Variants in EPHB6 observed in about 807,000 individuals in gnomAD.
EPHB6 encodes EPH receptor B6.
EPHB6 carries 51 observed loss-of-function variants against 107.0 expected under a neutral mutation model. The ratio of observed to expected loss-of-function variants is 0.48; its 90% CI spans 0.38 to 0.60. The LOEUF (loss-of-function observed/expected upper bound fraction) is 0.60, where lower values mean the gene tolerates loss of function less well. Ranked by LOEUF, EPHB6 falls within the 20% of genes least tolerant of loss-of-function variation. EPHB6 has a pLI of 0.00. For synonymous variants in EPHB6, 553 were observed against 549.0 expected (o/e 1.01, Z -0.10); for missense variants, 1,141 against 1,355.5 (o/e 0.84, Z 2.48).
At position 142,870,018 on chromosome 7, in the gene EPHB6, TG is replaced by T. The variant is rs745547995; in HGVS notation, c.2610+54del. 3.1e-6 allele frequency: 5 copies of T among 1,613,612 alleles called. No individual in the cohort carries two copies. In the East Asian group the frequency reaches 8.9e-5, roughly 29 times the overall value. On this transcript the variant is annotated intron_variant, in intron 17 of 19. Coordinates refer to ENST00000652003, the MANE Select transcript of EPHB6 (RefSeq NM_004445.6). Reference sequence around the variant, plus strand: ...TTTCCCACCCCGATCCCTCCCAGGTTGGAACATTCTAGGACCTCCATTCTCT... The same window carrying T: ...TTTCCCACCCCGATCCCTCCCAGGTTGAACATTCTAGGACCTCCATTCTCT...
At position 142,866,790 on chromosome 7, in the gene EPHB6, C is replaced by A; in HGVS notation, c.1588-116C>A. On this transcript the variant is annotated intron_variant, in intron 10 of 19. Coordinates refer to ENST00000652003, the MANE Select transcript of EPHB6 (RefSeq NM_004445.6). This position sits in a 1 kb window ranked among gnomAD's most constrained non-coding sequence, Gnocchi z 5.2. ...GCAAGGAGAGGTGCCCAGAAGTGTG[C>A]AGCACTGGGCATGTGTCTGAGAGCC... 6.3e-7 allele frequency: 1 copy of A among 1,585,160 alleles called. No individual in the cohort carries two copies. Among genetic ancestry groups the A allele is most frequent in the African/African-American group, 1.3e-5 (1 of 74,406 alleles).
chr7:142,864,000 G>T lies in EPHB6; in HGVS notation c.200G>T (p.Arg67Leu). The change falls in exon 7 of 20, where the codon CGC becomes CTC. Residue 67 changes from arginine to leucine, a missense_variant. By Grantham distance (102) the Arg-to-Leu change is moderately radical. Around this residue, in one of 3 missense-constraint regions of EPHB6, gnomAD observed 221 missense variants for 300.5 expected, o/e 0.74. Transcript: ENST00000652003. The part of the protein sequence containing the change: ...DEVSVLDDQR[R>L]LTRTFEACHV... ...GTGAGTGTTCTGGACGACCAGCGAC[G>T]CCTGACTCGGACCTTTGAGGCATGT... 6.2e-7 allele frequency: 1 copy of T among 1,614,182 alleles called. No individual in the cohort carries two copies. The highest frequency in any genetic ancestry group is 8.5e-7 in the Non-Finnish European group (1 of 1,180,036).
chr7:142,864,761 C>A lies in EPHB6; in HGVS notation c.949+12C>A, dbSNP rs538769229. Reference sequence around the variant, plus strand: ...CAAGGCCTGCCAAGGTGAGAGCCCACTCGTCTTGCACTTGCCCGACACCTC... The same window carrying A: ...CAAGGCCTGCCAAGGTGAGAGCCCAATCGTCTTGCACTTGCCCGACACCTC... On this transcript the variant is annotated intron_variant, in intron 7 of 19. Coordinates refer to ENST00000652003, the MANE Select transcript of EPHB6 (RefSeq NM_004445.6). The A allele has an allele frequency of 6.2e-7, 1 of 1,612,754 alleles. No homozygotes were observed.
chr7:142,865,898 C>A (rs1803134341), intron 8 of EPHB6, 62 bp from the exon 9 acceptor site: 3 of 1,550,682 alleles, frequency 1.9e-6, no homozygotes, highest in South Asian at 2.2e-5. Flanking sequence ...CTCCTTCCTT[C>A]CTCAATCACC....
chr7:142,870,122 T>C, intron 17 of EPHB6, 92 bp from the exon 18 acceptor site: 2 of 1,586,748 alleles, frequency 1.3e-6, no homozygotes, highest in Non-Finnish European at 1.7e-6. Context: ...AACCTCATGC[T>C]CCACCAGATT....
chr7:142,864,499 C>T lies in EPHB6; in HGVS notation c.699C>T (p.Cys233=). 6.2e-7 allele frequency: 1 copy of T among 1,613,440 alleles called. No homozygotes were observed. Among genetic ancestry groups the T allele is most frequent in the Non-Finnish European group, 8.5e-7 (1 of 1,180,024 alleles). The part of the protein sequence containing the change: ...LVAVRLFSYT[C]PAVLRSFASF... Reference sequence around the variant, plus strand: ...CTGTCAGGCTCTTCTCCTACACCTGCCCTGCCGTGCTCCGATCCTTTGCTT... The same window carrying T: ...CTGTCAGGCTCTTCTCCTACACCTGTCCTGCCGTGCTCCGATCCTTTGCTT... Residue 233 remains cysteine, a synonymous_variant, in exon 7 of 20, where the codon TGC becomes TGT. Coordinates refer to ENST00000652003, the MANE Select transcript of EPHB6 (RefSeq NM_004445.6).
At chr7:142,860,085 C>T (rs752265084) in intron 1 of EPHB6, among the ~76,000 whole-genome samples, 3 of 152,170 alleles carry the variant, frequency 2.0e-5, no homozygotes, top group East Asian at 1.9e-4. Flanking sequence ...CTATCTGCAG[C>T]GCATCTTTTC....
chr7:142,870,179 A>G (rs1794830448), intron 17 of EPHB6, 35 bp from the exon 18 acceptor site: 1 of 1,613,660 alleles, frequency 6.2e-7, no homozygotes, highest in African/African-American at 1.3e-5. Context: ...TACTAACAAA[A>G]CTTCCCATCG....
rs926833168 is a variant in EPHB6 at position 142,855,778 on chromosome 7, G to A, written c.-432+393G>A. On this transcript the variant is annotated intron_variant, in intron 1 of 19. Coordinates refer to ENST00000652003, the MANE Select transcript of EPHB6 (RefSeq NM_004445.6). The surrounding 1 kb of genome is among the most constrained non-coding windows in gnomAD (Gnocchi z 4.2). ...CCAGTGGCATCACTCCAATCCCCTT[G>A]GAGCTGGGAGGAGTCAGGAGGCTGA... 6.6e-6 allele frequency among the ~76,000 whole-genome samples: 1 copy of A among 152,106 alleles called. No individual in the cohort carries two copies. Among genetic ancestry groups the A allele is most frequent in the African/African-American group, 2.4e-5 (1 of 41,408 alleles).
At position 142,866,084 on chromosome 7, in the gene EPHB6, G is replaced by A. The variant is rs2116443026; in HGVS notation, c.1230G>A (p.Glu410=). 6.2e-7 allele frequency: 1 copy of A among 1,611,798 alleles called. No homozygotes were observed. Among genetic ancestry groups the A allele is most frequent in the Non-Finnish European group, 8.5e-7 (1 of 1,178,916 alleles). Residue 410 remains glutamate, a synonymous_variant, in exon 9 of 20, where the codon GAG becomes GAA. Transcript: ENST00000652003. This position sits in a 1 kb window ranked among gnomAD's most constrained non-coding sequence, Gnocchi z 5.2. ...TGCTCTTCAATGTCGTGTGCAAGGA[G>A]TGTGAAGGCCGCCAGGAACCTGCCA... ...GDLLFNVVCK[E]CEGRQEPASG...
rs202066906 is a variant in EPHB6, at chr7:142,866,604, A to G, written c.1586A>G (p.Gln529Arg). The G allele has an allele frequency of 8.7e-6, 14 of 1,614,010 alleles. No individual in the cohort carries two copies. The highest frequency in any genetic ancestry group is 9.3e-6 in the Non-Finnish European group (11 of 1,180,014). Residue 529 changes from glutamine (Q) to arginine (R), a missense_variant and splice_region_variant, in exon 10 of 20, where the codon CAG becomes CGG. By Grantham distance (43) the Gln-to-Arg change is conservative. Around this residue, in one of 3 missense-constraint regions of EPHB6, gnomAD observed 616 missense variants for 759.3 expected, o/e 0.81. Coordinates refer to ENST00000652003, the MANE Select transcript of EPHB6 (RefSeq NM_004445.6). The surrounding 1 kb of genome is among the most constrained non-coding windows in gnomAD (Gnocchi z 5.2). Reference protein sequence around the residue: ...ILDYQLRYYDQAEDESHSFTL... With the variant: ...ILDYQLRYYDRAEDESHSFTL... The stretch of plus-strand genomic sequence containing the variant: ...GACTATCAGCTCCGCTACTATGACC[A>G]GGTGCGCAGGAGGAGTGGGGGTTCC...
Position 142,864,050 on chromosome 7 carries a change from AC to A in EPHB6, c.252del (p.Gln86ArgfsTer34). On this transcript the variant is annotated frameshift_variant, in exon 7 of 20. Coordinates refer to ENST00000652003, the MANE Select transcript of EPHB6 (RefSeq NM_004445.6). LOFTEE classifies it high-confidence loss of function. ...TCATGTGGCAGGGGCCCCTCCAGGC[AC>A]CGGGCAGGACAATTGGTTGCAGACA... ...ACHVAGAPPG[T>X]GQDNWLQTHF... The A allele has an allele frequency of 6.2e-7, 1 of 1,614,068 alleles. No individual in the cohort carries two copies. Among genetic ancestry groups the A allele is most frequent in the Non-Finnish European group, 8.5e-7 (1 of 1,180,020 alleles).
intron 8 of EPHB6, 28 bp from the exon 9 acceptor site, chr7:142,865,932 T>A: frequency 3.1e-6 from 5 of 1,610,462 alleles, no homozygotes; most frequent in Non-Finnish European, 4.2e-6. Context: ...TCTTGGCCCT[T>A]GGACTGCCAT....
chr7:142,863,601 C>A (rs1222997678), intron 5 of EPHB6, 30 bp from the exon 6 acceptor site: 12 of 1,611,210 alleles, frequency 7.4e-6, no homozygotes, highest in Non-Finnish European at 8.5e-6. Context: ...GGAGGCTTGG[C>A]CACTGTGTGC....
intron 1 of EPHB6, among the ~76,000 whole-genome samples, chr7:142,859,445 A>G (rs868373810): frequency 2.0e-5 from 3 of 152,262 alleles, no homozygotes; most frequent in African/African-American, 7.2e-5. Context: ...CTGCAGTGGT[A>G]TGAATTTGCT....
At position 142,865,969 on chromosome 7, in the gene EPHB6, C is replaced by T. The variant is rs1355131327; in HGVS notation, c.1115C>T (p.Ser372Leu). ...TCCTCCGGCCCCCCAGGTCCTCCAT[C>T]GGCTCCCCAGGAGCTTTGGTTTGAG... Reference protein sequence around the residue: ...PPEAPCTGPPSAPQELWFEVQ... With the variant: ...PPEAPCTGPPLAPQELWFEVQ... The change falls in exon 9 of 20, where the codon TCG (serine) becomes TTG (leucine). Residue 372 changes from serine to leucine, a missense_variant. By Grantham distance (145) the Ser-to-Leu change is moderately radical (BLOSUM62 -2). Transcript: ENST00000652003. The T allele has an allele frequency of 1.9e-6, 3 of 1,613,904 alleles. No homozygotes were observed. The highest frequency in any genetic ancestry group is 1.7e-5 in the Admixed American group (1 of 60,026).
chr7:142,861,213 C>T (rs922151633), intron 2 of EPHB6, 27 bp downstream of exon 2: 6 of 152,056 alleles, frequency 3.9e-5, no homozygotes, highest in African/African-American at 1.4e-4. Context: ...TTCATTTGCT[C>T]GTGAGCTTAG....
rs1287389649 is a variant in EPHB6 at position 142,868,111 on chromosome 7, CA to C, written c.1918+64del. Reference sequence around the variant, plus strand: ...ACACATGGGTGGGGCACATGGCAGGCAAGGCTGGATCCCCCCAAGATTGGGG... The same window carrying C: ...ACACATGGGTGGGGCACATGGCAGGCAGGCTGGATCCCCCCAAGATTGGGG... On this transcript the variant is annotated intron_variant, in intron 13 of 19. Transcript: ENST00000652003. This position sits in a 1 kb window ranked among gnomAD's most constrained non-coding sequence, Gnocchi z 4.2. The C allele has an allele frequency of 1.5e-5, 24 of 1,613,502 alleles. No homozygotes were observed. In the East Asian group the frequency reaches 5.1e-4, roughly 34 times the overall value.
At chr7:142,865,027 T>C (rs993154184) in intron 7 of EPHB6, among the ~76,000 whole-genome samples, 4 of 152,338 alleles carry the variant, frequency 2.6e-5, no homozygotes, top group Non-Finnish European at 5.9e-5. Flanking sequence ...AAAAGGAGTT[T>C]AGCTCCAGCT....
Sources: allele counts gnomAD v4.1 joint callset (sites outside exome capture counted in the v4.1 genomes callset), GRCh38; gene constraint gnomAD v4.1.1; regional missense constraint gnomAD v4.1.1; non-coding constraint Gnocchi (gnomAD v3.1); transcripts MANE v1.5; gene names NCBI Gene and HGNC (gene_info 2026-07-23, HGNC 2026-07-21).